The following FLI1 variants were observed in gnomAD, a reference collection of about 807,000 sequenced individuals.
The protein encoded by FLI1 is Friend leukemia integration 1 transcription factor.
Under a neutral mutation model 53.1 loss-of-function variants are expected in FLI1, and 13 were observed. The ratio of observed to expected loss-of-function variants is 0.24; its 90% CI spans 0.16 to 0.39. The LOEUF is 0.39. FLI1 is among the 10% of genes least tolerant of loss of function. FLI1 has a pLI of 1.00. For missense variants in FLI1, 424 were observed against 600.5 expected (o/e 0.71, Z 3.07); for synonymous variants, 244 against 236.7 (o/e 1.03, Z -0.28).
In FLI1 at chr11:128,758,343, T is replaced by A; in HGVS notation, c.230+17T>A. 1 of 1,604,052 alleles carries A rather than the reference T, an allele frequency of 6.2e-7. No individual in the cohort carries two copies. The highest frequency in any genetic ancestry group is 8.5e-7 in the Non-Finnish European group (1 of 1,172,762). On this transcript the variant is annotated intron_variant, in intron 2 of 8. Coordinates refer to ENST00000527786, the MANE Select transcript of FLI1 (RefSeq NM_002017.5). Reference sequence around the variant, plus strand: ...TGGATCCAGGTAAGCTCACCAGGCCTGTGCAGGATTGGGGGAAGGCACAAA... The same window carrying A: ...TGGATCCAGGTAAGCTCACCAGGCCAGTGCAGGATTGGGGGAAGGCACAAA...
At chr11:128,760,738 G>A (rs549916499) in intron 2 of FLI1, among the ~76,000 whole-genome samples, 31 of 152,100 alleles carry the variant, frequency 2.0e-4, no homozygotes, top group South Asian at 1.9e-3. Flanking sequence ...ATGTTGGCCC[G>A]GCTGGTCTTC....
At chr11:128,758,996 T>C (rs1358212953) in intron 2 of FLI1, among the ~76,000 whole-genome samples, 1 of 152,244 alleles carries the variant, frequency 6.6e-6, no homozygotes, top group Non-Finnish European at 1.5e-5. Flanking sequence ...TCGAAACCCC[T>C]CAGAGCACCA....
intron 5 of FLI1, among the ~76,000 whole-genome samples, chr11:128,788,600 A>G (rs1262329314): frequency 6.6e-6 from 1 of 152,230 alleles, no homozygotes; most frequent in Non-Finnish European, 1.5e-5. Flanking sequence ...TAATGAAGAG[A>G]TGGAAAATCA....
At chr11:128,693,584 G>A (rs1376432196), upstream of FLI1, among the ~76,000 whole-genome samples, 1 of 152,082 alleles carries the variant, frequency 6.6e-6, no homozygotes, top group Non-Finnish European at 1.5e-5. Flanking sequence ...TCTGTGGGAA[G>A]AAACGGAAAG....
intron 5 of FLI1, among the ~76,000 whole-genome samples, chr11:128,786,650 C>A (rs566626512): frequency 3.9e-5 from 6 of 152,274 alleles, no homozygotes; most frequent in African/African-American, 1.4e-4. Flanking sequence ...TGCCCTGGTC[C>A]CAGGTCAGAG....
At chr11:128,724,678 G>C (rs1939397366) in intron 1 of FLI1, among the ~76,000 whole-genome samples, 1 of 152,156 alleles carries the variant, frequency 6.6e-6, no homozygotes, top group Non-Finnish European at 1.5e-5. Flanking sequence ...TGGTGAGAAA[G>C]GGTGAGGAGA....
At chr11:128,808,458 C>T (rs370483626) in intron 7 of FLI1, among the ~76,000 whole-genome samples, 4 of 152,090 alleles carry the variant, frequency 2.6e-5, no homozygotes, top group Admixed American at 1.3e-4. Flanking sequence ...TAAACACATA[C>T]GTTTTGAGGA....
intron 1 of FLI1, 39 bp from the exon 2 acceptor site, chr11:128,758,076 A>C (rs372998751): frequency 6.4e-7 from 1 of 1,556,776 alleles, no homozygotes; most frequent in African/African-American, 1.4e-5. Context: ...TTGGGTGAAG[A>C]GTGACACTGG....
chr11:128,795,604 G>A (rs1942413921), intron 5 of FLI1, among the ~76,000 whole-genome samples: 2 of 140,070 alleles, frequency 1.4e-5, no homozygotes, highest in African/African-American at 5.4e-5. Context: ...CTCTCGCCCA[G>A]GCTGGAGTTC....
chr11:128,710,830 G>T (rs1054787499), intron 1 of FLI1, among the ~76,000 whole-genome samples: 1 of 152,188 alleles, frequency 6.6e-6, no homozygotes, highest in Admixed American at 6.5e-5. Flanking sequence ...GGCTACACAA[G>T]GTTCCAAAAT....
intron 5 of FLI1, among the ~76,000 whole-genome samples, chr11:128,791,652 T>C (rs762262931): frequency 2.6e-5 from 4 of 152,190 alleles, no homozygotes; most frequent in Non-Finnish European, 5.9e-5. Context: ...AAGGTGGATG[T>C]TTTGGCTCTA....
At chr11:128,755,958 TG>T (rs1433805240) in intron 1 of FLI1, among the ~76,000 whole-genome samples, 1 of 152,176 alleles carries the variant, frequency 6.6e-6, no homozygotes, top group East Asian at 1.9e-4. Context: ...GTCTGTCCGC[TG>T]GGGTGGAGAA....
chr11:128,778,319 G>A (rs1263232472), intron 4 of FLI1, among the ~76,000 whole-genome samples: 2 of 152,020 alleles, frequency 1.3e-5, no homozygotes, highest in African/African-American at 4.8e-5. Context: ...GCACCTCCCG[G>A]GCCAAGGAGT....
chr11:128,777,881 T>A (rs1302526025), intron 4 of FLI1, among the ~76,000 whole-genome samples: 1 of 152,234 alleles, frequency 6.6e-6, no homozygotes, highest in Non-Finnish European at 1.5e-5. Context: ...CAGGTTAGGT[T>A]GAGGGAATGT....
In FLI1 at chr11:128,792,010, CCA is replaced by C. The variant is rs1942289960; in HGVS notation, c.655+9990_655+9991del. ...CTTTCTTCACTTATGCCCCAGACAG[CCA>C]CAATAAGAGCTAACATTTGTTAAGC... On this transcript the variant is annotated intron_variant, in intron 5 of 8. Transcript: ENST00000527786. 6.6e-5 allele frequency among the ~76,000 whole-genome samples: 10 copies of C among 152,310 alleles called. No homozygotes were observed. The South Asian group carries it at 2.1e-3, about 32-fold the overall frequency.
At chr11:128,741,848 C>T (rs759437675) in intron 1 of FLI1, among the ~76,000 whole-genome samples, 7 of 152,114 alleles carry the variant, frequency 4.6e-5, no homozygotes, top group Non-Finnish European at 7.3e-5. Flanking sequence ...GGCTCCCTTG[C>T]TTGGTTGGTT....
At chr11:128,714,250 C>G (rs1176712038) in intron 1 of FLI1, among the ~76,000 whole-genome samples, 1 of 150,554 alleles carries the variant, frequency 6.6e-6, no homozygotes, top group Non-Finnish European at 1.5e-5. Flanking sequence ...GCAAATAGAG[C>G]TCTGGAAGAT....
Position 128,812,558 on chromosome 11 carries a change from G to T in FLI1, c.*1570G>T. Reference sequence around the variant, plus strand: ...ACAGCAGAAGGTAAAAAATCAGTGTGGTTTTTCATTGTTGTTGATGATGTT... The same window carrying T: ...ACAGCAGAAGGTAAAAAATCAGTGTTGTTTTTCATTGTTGTTGATGATGTT... On this transcript the variant is annotated 3_prime_UTR_variant, in exon 9 of 9. Coordinates refer to ENST00000527786, the MANE Select transcript of FLI1 (RefSeq NM_002017.5). 4.4e-6 allele frequency: 1 copy of T among 225,104 alleles called. No individual in the cohort carries two copies. The highest frequency in any genetic ancestry group is 8.9e-6 in the Non-Finnish European group (1 of 112,946). 13.9% of individuals were successfully genotyped at this position (225,104 alleles called of 1,614,324 possible).
chr11:128,779,121 C>A (rs2135858154), intron 4 of FLI1, among the ~76,000 whole-genome samples: 1 of 152,356 alleles, frequency 6.6e-6, no homozygotes, highest in African/African-American at 2.4e-5. Context: ...TCTCAGCTTT[C>A]TGGGAGTTTC....
Sources: gnomAD v4.1 joint callset for allele counts (sites outside exome capture counted in the v4.1 genomes callset) on GRCh38, gnomAD v4.1.1 for gene constraint, MANE v1.5 for transcripts, NCBI Gene and HGNC (gene_info 2026-07-23, HGNC 2026-07-21) for gene names.